Variants in RFLNA observed in about 807,000 individuals in gnomAD.
RFLNA encodes refilin-A.
RFLNA carries 5 observed loss-of-function variants against 7.8 expected under a neutral mutation model. The ratio of observed to expected loss-of-function variants is 0.64; its 90% CI spans 0.34 to 1.35. RFLNA has a LOEUF of 1.35. Among genes scored for constraint, RFLNA ranks in the 40% most tolerant of loss-of-function variants. The pLI, the probability that RFLNA is intolerant of heterozygous loss-of-function variation, is 0.04. For missense variants in RFLNA, 278 were observed against 305.5 expected (o/e 0.91, Z 0.67); for synonymous variants, 141 against 131.3 (o/e 1.07, Z -0.50).
rs943558653 is a variant in RFLNA, at chr12:124,297,724, T to C, written c.207+2088T>C. ...TTTATTGGAAAACAAAATGCCTGTG[T>C]ACCTACCAGGTTTGAAGGGCTGCTT... On this transcript the variant is annotated intron_variant, in intron 1 of 2. Transcript: ENST00000546355. Among the ~76,000 whole-genome samples the C allele has an allele frequency of 5.3e-5, 8 of 152,326 alleles. No homozygotes were observed. The South Asian group carries it at 1.2e-3, about 24-fold the overall frequency.
chr12:124,311,821 C>G lies in RFLNA; in HGVS notation c.211C>G (p.Pro71Ala), dbSNP rs1246864580. 43 of 1,588,184 alleles carry G rather than the reference C, an allele frequency of 2.7e-5. No individual in the cohort carries two copies. The highest frequency in any genetic ancestry group is 3.5e-5 in the Non-Finnish European group (41 of 1,168,430). ...PPGPSEARAPPSQLPNPPASE... is the reference protein window; with the variant it reads ...PPGPSEARAPASQLPNPPASE... The stretch of plus-strand genomic sequence containing the variant: ...GTGTCCCTGGCTCTCCCCACAGCCC[C>G]CCTCCCAACTCCCAAATCCCCCGGC... The change falls in exon 2 of 3, where the codon CCC becomes GCC. Residue 71 changes from proline to alanine, a missense_variant. By Grantham distance (27) the Pro-to-Ala change is conservative (BLOSUM62 -1). Transcript: ENST00000546355.
At chr12:124,296,080 CT>C (rs758764373) in intron 1 of RFLNA, among the ~76,000 whole-genome samples, 5 of 5,264 alleles carry the variant, frequency 9.5e-4, no homozygotes, top group Non-Finnish European at 3.2e-3. Flanking sequence ...CCTTTTCTTT[CT>C]TTCTTTCTTT....
chr12:124,308,517 C>T (rs1391319979), intron 1 of RFLNA, among the ~76,000 whole-genome samples: 4 of 152,238 alleles, frequency 2.6e-5, no homozygotes, highest in South Asian at 4.1e-4. Flanking sequence ...CGTTGACCCT[C>T]GCTGCTTCTC....
rs111626323 is a variant in RFLNA, at chr12:124,306,010, G to A, written c.208-5808G>A. On this transcript the variant is annotated intron_variant, in intron 1 of 2. Transcript: ENST00000546355. This position sits in a 1 kb window ranked among gnomAD's most constrained non-coding sequence, Gnocchi z 5.2. ...TGGTCCTCAGCCCTTGTTCTGGGGTGACCGTGACTAGCAGGGATGGGGCTC... is the reference window on the plus strand; with the variant it reads ...TGGTCCTCAGCCCTTGTTCTGGGGTAACCGTGACTAGCAGGGATGGGGCTC... 3.8e-3 allele frequency among the ~76,000 whole-genome samples: 578 copies of A among 152,302 alleles called. 4 individuals are homozygous for A. Among genetic ancestry groups the A allele is most frequent in the African/African-American group, 0.013 (550 of 41,578 alleles).
At chr12:124,294,996 G>A (rs4765534), upstream of RFLNA, among the ~76,000 whole-genome samples, 1 of 151,880 alleles carries the variant, frequency 6.6e-6, no homozygotes, top group African/African-American at 2.4e-5. Context: ...CGGCGGAGGC[G>A]CCGGGCCGGG....
chr12:124,303,854 G>C (rs2034091607), intron 1 of RFLNA, among the ~76,000 whole-genome samples: 2 of 152,224 alleles, frequency 1.3e-5, no homozygotes, highest in Admixed American at 6.5e-5. Context: ...GCTGGGGGTG[G>C]GGGTGGGGAG....
At chr12:124,312,608 GC>G in intron 2 of RFLNA, among the ~76,000 whole-genome samples, 1 of 152,246 alleles carries the variant, frequency 6.6e-6, no homozygotes, top group East Asian at 1.9e-4. Context: ...ACCATGCCCA[GC>G]CCCTGACAGA....
chr12:124,300,314 C>T (rs934534136), intron 1 of RFLNA, among the ~76,000 whole-genome samples: 3 of 152,184 alleles, frequency 2.0e-5, no homozygotes, highest in East Asian at 1.9e-4. Flanking sequence ...GAAGAGTGTA[C>T]GTGAGAGCTT....
chr12:124,310,488 C>T (rs915617024), intron 1 of RFLNA, among the ~76,000 whole-genome samples: 3 of 145,936 alleles, frequency 2.1e-5, no homozygotes, highest in Non-Finnish European at 4.5e-5. Context: ...ATGGGCTGAG[C>T]TGTGGGGAGG....
chr12:124,300,394 G>T (rs1257786359), intron 1 of RFLNA, among the ~76,000 whole-genome samples: 1 of 152,254 alleles, frequency 6.6e-6, no homozygotes, highest in African/African-American at 2.4e-5. Flanking sequence ...ACTCCCCTGG[G>T]GGCCCAGCTC....
rs3844214 is a variant in RFLNA, at chr12:124,297,944, C to T, written c.207+2308C>T. Among the ~76,000 whole-genome samples the T allele has an allele frequency of 8.8e-3, 1,338 of 152,158 alleles. 23 individuals carry two copies. The highest frequency in any genetic ancestry group is 0.031 in the African/African-American group (1,291 of 41,518). ...ACTCAGGGAGAGTGCTTTTTAGGTG[C>T]AAATATCGGCACCCCATACTGTCTC... On this transcript the variant is annotated intron_variant, in intron 1 of 2. Coordinates refer to ENST00000546355, the MANE Select transcript of RFLNA (RefSeq NM_001365156.1).
rs751797140 is a variant in RFLNA, at chr12:124,308,861, G to A, written c.208-2957G>A. ...GGCTGGAACCTCACCCACAGCCTGC[G>A]TCCCCCTAGGGTGGCCTGTGCAGGG... On this transcript the variant is annotated intron_variant, in intron 1 of 2. Transcript: ENST00000546355. Among the ~76,000 whole-genome samples the A allele has an allele frequency of 7.9e-5, 12 of 152,210 alleles. No homozygotes were observed. In the East Asian group the frequency reaches 9.6e-4, roughly 12 times the overall value.
upstream of RFLNA, among the ~76,000 whole-genome samples, chr12:124,293,153 C>T (rs1190618002): frequency 6.6e-6 from 1 of 152,170 alleles, no homozygotes; most frequent in African/African-American, 2.4e-5. Flanking sequence ...TCTTAAACTC[C>T]TGACCTCAGG....
intron 1 of RFLNA, among the ~76,000 whole-genome samples, chr12:124,302,948 C>T (rs975657879): frequency 2.0e-5 from 3 of 152,094 alleles, no homozygotes; most frequent in African/African-American, 7.2e-5. Context: ...GTGGGGCTCC[C>T]TGGCTATCCT....
At chr12:124,296,436 C>A (rs1218415672) in intron 1 of RFLNA, among the ~76,000 whole-genome samples, 1 of 151,554 alleles carries the variant, frequency 6.6e-6, no homozygotes, top group Admixed American at 6.6e-5. Flanking sequence ...GCCGAGCGGG[C>A]GCCTTTGCAG....
At chr12:124,307,540 T>C (rs1020499110) in intron 1 of RFLNA, among the ~76,000 whole-genome samples, 1 of 152,058 alleles carries the variant, frequency 6.6e-6, no homozygotes, top group Non-Finnish European at 1.5e-5. Context: ...TCTCTCCCAT[T>C]CCCCTGGAAG....
intron 1 of RFLNA, among the ~76,000 whole-genome samples, chr12:124,298,641 A>G (rs2033973053): frequency 1.3e-5 from 2 of 152,244 alleles, no homozygotes; most frequent in Non-Finnish European, 2.9e-5. Context: ...CCCTGCCCTC[A>G]TGAACTGGCA....
chr12:124,312,128 C>A (rs972149226), intron 2 of RFLNA, among the ~76,000 whole-genome samples: 2 of 152,066 alleles, frequency 1.3e-5, no homozygotes, highest in Non-Finnish European at 2.9e-5. Flanking sequence ...TTTTAAGAGA[C>A]TCTGACCCCA....
At chr12:124,296,072 T>TTTTCTTTCTTTCTTTCTTTCTTCCTTTC (rs2033905170) in intron 1 of RFLNA, among the ~76,000 whole-genome samples, 1 of 94,652 alleles carries the variant, frequency 1.1e-5, no homozygotes, top group South Asian at 3.9e-4. Flanking sequence ...TGTGAAAGCC[T>TTTTCTTTCTTTCTTTCTTTCTTCCTTTC]TTTCTTTCTT....
Sources: allele counts gnomAD v4.1 joint callset (sites outside exome capture counted in the v4.1 genomes callset), GRCh38; gene constraint gnomAD v4.1.1; non-coding constraint Gnocchi (gnomAD v3.1); transcripts MANE v1.5; gene names NCBI Gene and HGNC (gene_info 2026-07-23, HGNC 2026-07-21).